Variants in ANKRD31 observed in about 807,000 individuals in gnomAD.
ANKRD31 encodes the protein ankyrin repeat domain 31.
ANKRD31 carries 147 observed loss-of-function variants against 186.0 expected under a neutral mutation model. The ratio of observed to expected loss-of-function variants is 0.79; its 90% CI spans 0.69 to 0.91. The LOEUF is 0.91. Among genes scored for constraint, ANKRD31 ranks in the 40% least tolerant of loss-of-function variants. ANKRD31 has a pLI of 0.00. For missense variants in ANKRD31, 1,986 were observed against 2,148.8 expected (o/e 0.92, Z 1.50); for synonymous variants, 673 against 736.4 (o/e 0.91, Z 1.39).
chr5:75,156,340 C>T (rs932030825), intron 11 of ANKRD31, among the ~76,000 whole-genome samples: 2 of 152,088 alleles, frequency 1.3e-5, no homozygotes, highest in African/African-American at 4.8e-5. Flanking sequence ...TGTATGTGTG[C>T]ATGTCCTTCT....
chr5:75,206,237 AAAAAAAAAAAAAT>A (rs1756198050), intron 5 of ANKRD31, among the ~76,000 whole-genome samples, 161 bp downstream of exon 5: 2 of 13,432 alleles, frequency 1.5e-4, no homozygotes, highest in African/African-American at 7.4e-4. Context: ...AAAAAAAAAA[AAAAAAAAAAAAAT>A]ATATATATAT....
chr5:75,174,644 G>T (rs1378050305), intron 10 of ANKRD31, among the ~76,000 whole-genome samples: 2 of 152,182 alleles, frequency 1.3e-5, no homozygotes, highest in Non-Finnish European at 2.9e-5. Context: ...CATCATCACT[G>T]ATCATCAGAG....
At chr5:75,184,776 G>T (rs1335849565) in intron 10 of ANKRD31, among the ~76,000 whole-genome samples, 1 of 152,110 alleles carries the variant, frequency 6.6e-6, no homozygotes, top group African/African-American at 2.4e-5. Flanking sequence ...ATGTAAATTA[G>T]TACAGCCATT....
intron 14 of ANKRD31, among the ~76,000 whole-genome samples, chr5:75,145,228 C>T (rs1751349602): frequency 6.6e-6 from 1 of 152,032 alleles, no homozygotes; most frequent in Non-Finnish European, 1.5e-5. Context: ...CGCAGCCATC[C>T]CATTACTGGG....
chr5:75,115,208 T>G lies in ANKRD31; in HGVS notation c.4155+1358A>C, dbSNP rs866224749. ...GCTGGGAAAACTGGCTAGCCATATG[T>G]AGAAAGCTGAAACTGGATCCCTTCC... On this transcript the variant is annotated intron_variant, in intron 19 of 25. Coordinates refer to ENST00000506364, the MANE Select transcript of ANKRD31 (RefSeq NM_001372053.1). Among the ~76,000 whole-genome samples, 422 of 150,280 alleles carry G rather than the reference T, an allele frequency of 2.8e-3. 2 individuals carry two copies. Among genetic ancestry groups the G allele is most frequent in the African/African-American group, 8.9e-3 (365 of 40,992 alleles).
chr5:75,201,625 A>G (rs1755828088), intron 5 of ANKRD31, among the ~76,000 whole-genome samples: 1 of 152,318 alleles, frequency 6.6e-6, no homozygotes, highest in South Asian at 2.1e-4. Context: ...TCAAAACTAT[A>G]AAGCAAAAAA....
At chr5:75,129,401 G>A (rs764034747) in intron 17 of ANKRD31, among the ~76,000 whole-genome samples, 1 of 152,146 alleles carries the variant, frequency 6.6e-6, no homozygotes, top group Non-Finnish European at 1.5e-5. Flanking sequence ...TCGGACATTA[G>A]CTCACCCACT....
At chr5:75,220,120 A>T (rs1489946469) in intron 3 of ANKRD31, among the ~76,000 whole-genome samples, 1 of 152,218 alleles carries the variant, frequency 6.6e-6, no homozygotes, top group Non-Finnish European at 1.5e-5. Flanking sequence ...CAATCACAAG[A>T]AAAACAAAAA....
intron 17 of ANKRD31, among the ~76,000 whole-genome samples, chr5:75,131,253 C>T (rs985612406): frequency 1.8e-4 from 28 of 152,198 alleles, no homozygotes; most frequent in African/African-American, 6.3e-4. Context: ...CTGAAGGGCC[C>T]CTGGAGCGTG....
intron 10 of ANKRD31, among the ~76,000 whole-genome samples, chr5:75,174,541 A>G (rs1201130265): frequency 6.6e-6 from 1 of 152,120 alleles, no homozygotes; most frequent in Non-Finnish European, 1.5e-5. Flanking sequence ...TTTACAAGAA[A>G]AAACAACCCC....
In ANKRD31 at chr5:75,236,806, G is replaced by C. The variant is rs1758301083; in HGVS notation, c.-120C>G. The C allele has an allele frequency of 1.2e-6, 1 of 858,932 alleles. No individual in the cohort carries two copies. Among genetic ancestry groups the C allele is most frequent in the Non-Finnish European group, 1.7e-6 (1 of 579,964 alleles). 53.2% of individuals were successfully genotyped at this position (858,932 alleles called of 1,614,324 possible). A position where few individuals can be genotyped will look rare whatever the true frequency, so the allele number is the denominator to read the frequency against. On this transcript the variant is annotated 5_prime_UTR_variant, in exon 1 of 26. Coordinates refer to ENST00000506364, the MANE Select transcript of ANKRD31 (RefSeq NM_001372053.1). ...TAAAAATAAAAATAATATAATCGCAGCAGGAGCCGGGACTTGTCGCAGGGC... is the reference window on the plus strand; with the variant it reads ...TAAAAATAAAAATAATATAATCGCACCAGGAGCCGGGACTTGTCGCAGGGC...
intron 20 of ANKRD31, among the ~76,000 whole-genome samples, chr5:75,111,221 A>AG (rs1215238839): frequency 6.6e-6 from 1 of 151,400 alleles, no homozygotes; most frequent in East Asian, 1.9e-4. Context: ...AAATGTGGGG[A>AG]GGGGGGCCTG....
chr5:75,138,811 A>T, intron 16 of ANKRD31, 35 bp downstream of exon 16: 1 of 1,527,082 alleles, frequency 6.5e-7, no homozygotes, highest in East Asian at 2.5e-5. Context: ...AGTGAGTTCA[A>T]ATTATAAAGG....
intron 20 of ANKRD31, among the ~76,000 whole-genome samples, chr5:75,107,954 A>C (rs2150064179): frequency 6.6e-6 from 1 of 152,126 alleles, no homozygotes; most frequent in Non-Finnish European, 1.5e-5. Flanking sequence ...TTGTTTGTTA[A>C]AATTATTTCA....
chr5:75,105,270 C>A (rs58804972), intron 21 of ANKRD31, 52 bp from the exon 22 acceptor site: 42 of 1,424,260 alleles, frequency 2.9e-5, no homozygotes, highest in Non-Finnish European at 3.6e-5. Context: ...GAAAACTTTT[C>A]AAAGCGGTCA....
Position 75,084,343 on chromosome 5 carries a change from T to C in ANKRD31, c.5504A>G (p.Tyr1835Cys), listed in dbSNP as rs1384512180. Reference sequence around the variant, plus strand: ...AAGTATGGGTGCATCCTCAGAAACATACCTTAAAAGCTCCTTCCCAAGATA... The same window carrying C: ...AAGTATGGGTGCATCCTCAGAAACACACCTTAAAAGCTCCTTCCCAAGATA... ...VTYLGKELLR[Y>C]VSEDAPILPE... Residue 1835 changes from tyrosine to cysteine, a missense_variant, in exon 24 of 26, where the codon TAT (tyrosine) becomes TGT (cysteine). By Grantham distance (194) the Tyr-to-Cys change is radical. Transcript: ENST00000506364. 13 of 1,537,024 alleles carry C rather than the reference T, an allele frequency of 8.5e-6. No individual in the cohort carries two copies. Among genetic ancestry groups the C allele is most frequent in the South Asian group, 3.6e-5 (3 of 84,068 alleles).
rs779628457 is a variant in ANKRD31, at chr5:75,104,750, T to C, written c.4809A>G (p.Pro1603=). The change falls in exon 22 of 26, where the codon CCA becomes CCG. Residue 1603 remains proline (P), a synonymous_variant. Coordinates refer to ENST00000506364, the MANE Select transcript of ANKRD31 (RefSeq NM_001372053.1). ...HSDGTEKNKL[P]SQPVAFIGQT... ...GACCAATAAAAGCAACAGGTTGGGA[T>C]GGTAATTTATTCTTCTCTGTGCCAT... The C allele has an allele frequency of 2.5e-5, 39 of 1,537,166 alleles. No homozygotes were observed. The highest frequency in any genetic ancestry group is 3.1e-5 in the Non-Finnish European group (35 of 1,146,916).
chr5:75,128,761 G>A (rs1580379717), intron 17 of ANKRD31, among the ~76,000 whole-genome samples: 1 of 151,142 alleles, frequency 6.6e-6, no homozygotes, highest in African/African-American at 2.4e-5. Context: ...TGATCTGCCT[G>A]CTTCGGCCTC....
In ANKRD31 at chr5:75,187,000, TGTGTGTGTGTATGAGACACAGA is replaced by T. The variant is rs1354366478; in HGVS notation, c.1564+1471_1564+1492del. ...GAGGTCATATAGCTGAGAGAGTGAG[TGTGTGTGTGTATGAGACACAGA>T]GTGTGTGTGTGTGTGTGTGTGTGTG... is the stretch of plus-strand genomic sequence containing the variant. On this transcript the variant is annotated intron_variant, in intron 10 of 25. Coordinates refer to ENST00000506364, the MANE Select transcript of ANKRD31 (RefSeq NM_001372053.1). 2.6e-3 allele frequency among the ~76,000 whole-genome samples: 394 copies of T among 150,004 alleles called. 1 individual carries two copies. Among genetic ancestry groups the T allele is most frequent in the African/African-American group, 9.0e-3 (360 of 40,146 alleles).
Sources: gnomAD v4.1 joint callset for allele counts (sites outside exome capture counted in the v4.1 genomes callset) on GRCh38, gnomAD v4.1.1 for gene constraint, MANE v1.5 for transcripts, NCBI Gene and HGNC (gene_info 2026-07-23, HGNC 2026-07-21) for gene names.